Variants in CHRNB4 observed in about 807,000 individuals in gnomAD.
CHRNB4 encodes the protein neuronal acetylcholine receptor subunit beta-4.
In CHRNB4, 23 loss-of-function variants were observed where a neutral mutation model predicts 40.4. The observed-to-expected ratio is 0.57, with a 90% CI of 0.41 to 0.81. CHRNB4 has a LOEUF of 0.81. CHRNB4 is among the 30% of genes least tolerant of loss of function. CHRNB4 has a pLI of 0.00. For synonymous variants in CHRNB4, 285 were observed against 274.4 expected (o/e 1.04, Z -0.38); for missense variants, 568 against 670.6 (o/e 0.85, Z 1.69).
chr15:78,643,557 A>G (rs1228312607), upstream of CHRNB4, among the ~76,000 whole-genome samples: 1 of 152,214 alleles, frequency 6.6e-6, no homozygotes, highest in African/African-American at 2.4e-5. Context: ...GCAATGTGTT[A>G]GGTTAATACA....
chr15:78,658,028 CTTTTTTTTTT>C (rs71448810), intron 2 of CHRNB4, among the ~76,000 whole-genome samples: 1 of 90,508 alleles, frequency 1.1e-5, no homozygotes, highest in Middle Eastern at 8.2e-3. Context: ...TCTTGTTTCT[CTTTTTTTTTT>C]TTTTTTTTTT....
intron 1 of CHRNB4, among the ~76,000 whole-genome samples, chr15:78,638,704 A>C (rs562823101): frequency 6.6e-6 from 1 of 152,362 alleles, no homozygotes; most frequent in East Asian, 1.9e-4. Flanking sequence ...CTTGCCCCCC[A>C]AAAAGGGGCG....
chr15:78,658,906 C>A (rs114379870), intron 1 of CHRNB4, among the ~76,000 whole-genome samples: 179 of 152,276 alleles, frequency 1.2e-3, no homozygotes, highest in African/African-American at 4.1e-3. Context: ...CTGCTCTGGG[C>A]TGATGTGGTA....
intron 2 of CHRNB4, among the ~76,000 whole-genome samples, chr15:78,658,019 CTTGT>C (rs1173784347): frequency 7.6e-6 from 1 of 131,384 alleles, no homozygotes; most frequent in Non-Finnish European, 1.6e-5. Flanking sequence ...ATGACTGTCT[CTTGT>C]TTCTCTTTTT....
At chr15:78,649,403 G>A (rs1023398027) in exon 7 of CHRNB4, 2 of 455,264 alleles carry the variant, frequency 4.4e-6, no homozygotes, top group East Asian at 7.0e-5. Flanking sequence ...TCTGGAGCTG[G>A]GGCCAGCAAA....
intron 1 of CHRNB4, among the ~76,000 whole-genome samples, chr15:78,636,414 G>A (rs1362468287): frequency 6.6e-6 from 1 of 152,076 alleles, no homozygotes; most frequent in Non-Finnish European, 1.5e-5. Flanking sequence ...TCTCAGAGCT[G>A]TAGGTGGACT....
chr15:78,628,385 C>A (rs2053709021), intron 5 of CHRNB4, among the ~76,000 whole-genome samples: 1 of 152,182 alleles, frequency 6.6e-6, no homozygotes, highest in African/African-American at 2.4e-5. Flanking sequence ...CCCAGCCTTC[C>A]ATTTCTGGCA....
intron 2 of CHRNB4, among the ~76,000 whole-genome samples, chr15:78,633,399 C>CT (rs2053876653): frequency 6.6e-6 from 1 of 152,222 alleles, no homozygotes; most frequent in African/African-American, 2.4e-5. Flanking sequence ...TTCCAACTTT[C>CT]TTCTCCACCA....
chr15:78,638,822 G>C (rs1212303723), intron 1 of CHRNB4, among the ~76,000 whole-genome samples: 1 of 152,250 alleles, frequency 6.6e-6, no homozygotes, highest in East Asian at 1.9e-4. Context: ...CCCCCAGGTG[G>C]CAGGGGTGGC....
At chr15:78,660,910 C>A (rs2054246992), upstream of CHRNB4, 1 of 375,780 alleles carries the variant, frequency 2.7e-6, no homozygotes, top group Non-Finnish European at 5.1e-6. Context: ...TTCACGTGCA[C>A]ACAATTGCCT....
chr15:78,645,581 CCA>C (rs2054116341), upstream of CHRNB4, among the ~76,000 whole-genome samples: 3 of 151,676 alleles, frequency 2.0e-5, no homozygotes, highest in Admixed American at 2.0e-4. Flanking sequence ...AGATTGAGCC[CCA>C]GTTACCTTTT....
chr15:78,642,615 T>C (rs1358494156), upstream of CHRNB4, among the ~76,000 whole-genome samples: 2 of 152,012 alleles, frequency 1.3e-5, no homozygotes, highest in Non-Finnish European at 2.9e-5. Context: ...ATCCCCAATA[T>C]ACCCAGGACA....
intron 1 of CHRNB4, 81 bp from the exon 2 acceptor site, chr15:78,635,668 G>C: frequency 2.5e-6 from 4 of 1,582,064 alleles, no homozygotes; most frequent in Non-Finnish European, 3.4e-6. Context: ...GGAGAGCTGA[G>C]AGGGAGCACA....
chr15:78,629,643 T>C lies in CHRNB4; in HGVS notation c.662A>G (p.Asp221Gly). Residue 221 changes from aspartate (D) to glycine (G), a missense_variant, in exon 5 of 6, where the codon GAC becomes GGC. Physicochemically the swap from Asp to Gly is moderately conservative, Grantham distance 94. Transcript: ENST00000261751. The surrounding 1 kb of genome is among the most constrained non-coding windows in gnomAD (Gnocchi z 6.8). ...CTTGATGATGAAGTCGTAAGTCACGTCCACGTAGCTGGGGTCTTGTGGGTT... is the reference window on the plus strand; with the variant it reads ...CTTGATGATGAAGTCGTAAGTCACGCCCACGTAGCTGGGGTCTTGTGGGTT... ...TVNPQDPSYVDVTYDFIIKRK... is the reference protein window; with the variant it reads ...TVNPQDPSYVGVTYDFIIKRK... 2 of 1,614,098 alleles carry C rather than the reference T, an allele frequency of 1.2e-6. No homozygotes were observed. The highest frequency in any genetic ancestry group is 1.7e-6 in the Non-Finnish European group (2 of 1,180,012).
chr15:78,642,315 G>A (rs749603623), upstream of CHRNB4, among the ~76,000 whole-genome samples: 2 of 152,230 alleles, frequency 1.3e-5, no homozygotes, highest in African/African-American at 4.8e-5. Context: ...GCAGTAATAG[G>A]TAAGATATGT....
At chr15:78,651,135 A>G (rs1436170990) in intron 6 of CHRNB4, among the ~76,000 whole-genome samples, 5 of 152,044 alleles carry the variant, frequency 3.3e-5, no homozygotes. Context: ...AGCAACCATG[A>G]CCATGGCAAC....
chr15:78,657,334 A>C (rs1378392235), exon 3 of CHRNB4: 2 of 151,940 alleles, frequency 1.3e-5, no homozygotes, highest in Admixed American at 1.3e-4. Context: ...TTTCTTACCC[A>C]ATGTTTCCTT....
At chr15:78,641,028 C>A in intron 1 of CHRNB4, 51 bp downstream of exon 1, 1 of 1,542,194 alleles carries the variant, frequency 6.5e-7, no homozygotes, top group Non-Finnish European at 8.8e-7. Context: ...CAGTCCAGCC[C>A]CTTTCAGCCC....
upstream of CHRNB4, among the ~76,000 whole-genome samples, chr15:78,646,099 A>G (rs144137743): frequency 1.9e-3 from 295 of 152,188 alleles, no homozygotes; most frequent in African/African-American, 6.8e-3. Flanking sequence ...TCAGTGAGTA[A>G]TGGAAGGTTT....
Sources: allele counts gnomAD v4.1 joint callset (sites outside exome capture counted in the v4.1 genomes callset), GRCh38; gene constraint gnomAD v4.1.1; non-coding constraint Gnocchi (gnomAD v3.1); transcripts MANE v1.5; gene names NCBI Gene and HGNC (gene_info 2026-07-23, HGNC 2026-07-21).